PLXNA4: variants seen among roughly 807,000 people sequenced by gnomAD.
The protein encoded by PLXNA4 is plexin A4, also known as plexin-A4.
PLXNA4 carries 44 observed loss-of-function variants against 191.8 expected under a neutral mutation model. The observed-to-expected ratio is 0.23, with a 90% CI of 0.18 to 0.29. The LOEUF is 0.29. Among genes scored for constraint, PLXNA4 ranks in the 10% least tolerant of loss-of-function variants. The probability of loss-of-function intolerance (pLI) is 1.00; values close to 1 mark genes in which losing one functional copy is unlikely to be tolerated. For missense variants in PLXNA4, 1,800 were observed against 2,488.8 expected (o/e 0.72, Z 5.89); for synonymous variants, 1,082 against 1,009.5 (o/e 1.07, Z -1.36).
chr7:132,559,664 G>C (rs144695913), intron 1 of PLXNA4, among the ~76,000 whole-genome samples: 26 of 152,318 alleles, frequency 1.7e-4, no homozygotes, highest in African/African-American at 5.8e-4. Context: ...CCAATGGCCT[G>C]TTCTCTGCAG....
chr7:132,167,693 T>C (rs1238921375), intron 22 of PLXNA4, among the ~76,000 whole-genome samples: 1 of 152,130 alleles, frequency 6.6e-6, no homozygotes, highest in African/African-American at 2.4e-5. Flanking sequence ...TGCACCATCA[T>C]GCATAGCTAA....
At chr7:132,407,255 C>T (rs980200150) in intron 3 of PLXNA4, among the ~76,000 whole-genome samples, 4 of 152,180 alleles carry the variant, frequency 2.6e-5, no homozygotes, top group African/African-American at 7.2e-5. Context: ...CCCTGGGACT[C>T]GGAGGCCCTC....
At chr7:132,153,147 AG>A in intron 25 of PLXNA4, among the ~76,000 whole-genome samples, 1 of 152,232 alleles carries the variant, frequency 6.6e-6, no homozygotes, top group Middle Eastern at 3.4e-3. Context: ...AGGGCTGCCC[AG>A]GTTAAATTGT....
intron 3 of PLXNA4, among the ~76,000 whole-genome samples, chr7:132,306,162 G>A (rs1331031535): frequency 2.6e-5 from 4 of 152,158 alleles, no homozygotes; most frequent in African/African-American, 9.7e-5. Context: ...GTGCGGAGGC[G>A]CCCCATATTC....
At chr7:132,561,111 G>A (rs1801019666) in intron 1 of PLXNA4, among the ~76,000 whole-genome samples, 1 of 151,904 alleles carries the variant, frequency 6.6e-6, no homozygotes, top group South Asian at 2.1e-4. Context: ...CTGCCGTGTT[G>A]CCCCTTGCCC....
chr7:132,592,586 G>A (rs1802621587), intron 2 of PLXNA4, among the ~76,000 whole-genome samples: 2 of 149,160 alleles, frequency 1.3e-5, no homozygotes, highest in African/African-American at 4.9e-5. Flanking sequence ...CTCGTTTAAC[G>A]ATTTGACGGG....
chr7:132,589,753 T>C (rs997874558), intron 2 of PLXNA4, among the ~76,000 whole-genome samples: 3 of 152,214 alleles, frequency 2.0e-5, no homozygotes, highest in African/African-American at 7.2e-5. Context: ...GAACTAGCAA[T>C]AGAACTTCTT....
At chr7:132,590,960 T>C (rs1802594986) in intron 2 of PLXNA4, among the ~76,000 whole-genome samples, 1 of 152,086 alleles carries the variant, frequency 6.6e-6, no homozygotes, top group Non-Finnish European at 1.5e-5. Context: ...CTTCCTACTT[T>C]CTTTGCATCT....
chr7:132,474,698 G>A (rs1797062524), intron 3 of PLXNA4, among the ~76,000 whole-genome samples: 1 of 152,062 alleles, frequency 6.6e-6, no homozygotes, highest in Non-Finnish European at 1.5e-5. Context: ...CATCTATTTG[G>A]AGCATCTGCT....
chr7:132,520,468 C>G (rs1312776962), intron 1 of PLXNA4, among the ~76,000 whole-genome samples: 1 of 152,164 alleles, frequency 6.6e-6, no homozygotes, highest in Non-Finnish European at 1.5e-5. Flanking sequence ...TTGAAACTGC[C>G]CCACCCACCC....
chr7:132,382,383 G>A (rs899810773), intron 3 of PLXNA4, among the ~76,000 whole-genome samples: 1 of 152,130 alleles, frequency 6.6e-6, no homozygotes. Context: ...TGCTGCTGCT[G>A]CCTTCAGGCT....
intron 5 of PLXNA4, among the ~76,000 whole-genome samples, chr7:132,229,240 T>G (rs1798440747): frequency 6.6e-6 from 1 of 152,218 alleles, no homozygotes; most frequent in African/African-American, 2.4e-5. Context: ...GCTCTAAGGT[T>G]TGCTGTTACT....
At chr7:132,464,217 G>C (rs1394781936) in intron 3 of PLXNA4, among the ~76,000 whole-genome samples, 1 of 152,206 alleles carries the variant, frequency 6.6e-6, no homozygotes, top group East Asian at 1.9e-4. Flanking sequence ...GTCCTGCTCT[G>C]TCTCACCAGG....
At chr7:132,251,431 G>A (rs1249713213) in intron 4 of PLXNA4, among the ~76,000 whole-genome samples, 4 of 152,062 alleles carry the variant, frequency 2.6e-5, no homozygotes, top group Non-Finnish European at 5.9e-5. Context: ...GGGCTGGCAC[G>A]GTGACACCTA....
intron 2 of PLXNA4, among the ~76,000 whole-genome samples, chr7:132,595,347 G>A (rs577611998): frequency 6.6e-4 from 101 of 152,248 alleles, no homozygotes; most frequent in Non-Finnish European, 1.2e-3. Context: ...TGGCAGACTC[G>A]ATTACACAGG....
intron 2 of PLXNA4, among the ~76,000 whole-genome samples, chr7:132,593,734 G>A (rs1229427403): frequency 1.3e-5 from 2 of 152,232 alleles, no homozygotes; most frequent in South Asian, 2.1e-4. Context: ...AGGAGAAAGA[G>A]GGTCTGCCCT....
chr7:132,146,359 C>T (rs759493548), intron 28 of PLXNA4, 151 bp downstream of exon 28: 79 of 1,266,096 alleles, frequency 6.2e-5, no homozygotes, highest in East Asian at 1.2e-4. Context: ...AGGTTCGGTA[C>T]GGGGAATGGT....
chr7:132,373,416 G>T (rs559616830), intron 3 of PLXNA4, among the ~76,000 whole-genome samples: 1 of 152,172 alleles, frequency 6.6e-6, no homozygotes, highest in African/African-American at 2.4e-5. Context: ...CCAGGCCTCC[G>T]TAGCTCTGGA....
intron 2 of PLXNA4, among the ~76,000 whole-genome samples, chr7:132,498,432 T>C (rs1349543835): frequency 6.6e-6 from 1 of 151,582 alleles, no homozygotes; most frequent in South Asian, 2.1e-4. Context: ...AAAGAGAGAG[T>C]GTGTGCAGGG....
Sources: gnomAD v4.1 joint callset for allele counts (sites outside exome capture counted in the v4.1 genomes callset) on GRCh38, gnomAD v4.1.1 for gene constraint, MANE v1.5 for transcripts, NCBI Gene and HGNC (gene_info 2026-07-23, HGNC 2026-07-21) for gene names.